Variants in NEK10 observed in about 807,000 individuals in gnomAD.
NEK10 encodes the protein serine/threonine-protein kinase Nek10.
Under a neutral mutation model 159.8 loss-of-function variants are expected in NEK10, and 122 were observed. The observed-to-expected ratio is 0.76, with a 90% CI of 0.66 to 0.89. NEK10 has a LOEUF of 0.89. Among genes scored for constraint, NEK10 ranks in the 40% least tolerant of loss-of-function variants. The pLI is 0.00. For missense variants in NEK10, 1,342 were observed against 1,323.1 expected (o/e 1.01, Z -0.22); for synonymous variants, 466 against 457.1 (o/e 1.02, Z -0.25).
In NEK10 at chr3:27,189,180, G is replaced by A. The variant is rs139440447; in HGVS notation, c.2505+2849C>T. On this transcript the variant is annotated intron_variant, in intron 26 of 35. Transcript: ENST00000691995. ...AAGGTTTGGTTCACTTTCATAGTGG[G>A]TAAACCACAGTACATAGAGTGAACT... Among the ~76,000 whole-genome samples, 233 of 152,114 alleles carry A rather than the reference G, an allele frequency of 1.5e-3. 1 individual carries two copies. Among genetic ancestry groups the A allele is most frequent in the African/African-American group, 5.4e-3 (223 of 41,522 alleles).
intron 23 of NEK10, among the ~76,000 whole-genome samples, chr3:27,231,194 A>C (rs1273998476): frequency 6.6e-6 from 1 of 152,048 alleles, no homozygotes; most frequent in Admixed American, 6.6e-5. Context: ...AAACCTGGAA[A>C]TCAACTCTAA....
At chr3:27,325,263 T>C (rs2045928965) in intron 5 of NEK10, among the ~76,000 whole-genome samples, 1 of 152,212 alleles carries the variant, frequency 6.6e-6, no homozygotes, top group Non-Finnish European at 1.5e-5. Flanking sequence ...GCATCTTCTA[T>C]TTCATACTCA....
intron 1 of NEK10, among the ~76,000 whole-genome samples, chr3:27,357,991 A>ATTC (rs2048432986): frequency 6.6e-6 from 1 of 152,232 alleles, no homozygotes; most frequent in African/African-American, 2.4e-5. Flanking sequence ...AGAGAAAAGG[A>ATTC]TTCTATTGCT....
chr3:27,195,110 T>C (rs781588663), intron 25 of NEK10, among the ~76,000 whole-genome samples: 2 of 152,136 alleles, frequency 1.3e-5, no homozygotes, highest in Non-Finnish European at 2.9e-5. Context: ...AATGAGAAGA[T>C]AGTAAAATAG....
chr3:27,179,273 T>A (rs1478129610), intron 26 of NEK10, among the ~76,000 whole-genome samples: 1 of 152,208 alleles, frequency 6.6e-6, no homozygotes, highest in African/African-American at 2.4e-5. Context: ...TCTTATTTAT[T>A]TTGAACTTAT....
intron 23 of NEK10, among the ~76,000 whole-genome samples, chr3:27,218,392 G>A (rs1426718159): frequency 6.6e-6 from 1 of 152,102 alleles, no homozygotes; most frequent in Non-Finnish European, 1.5e-5. Flanking sequence ...GGATCACAAG[G>A]TCAGGAGTTT....
chr3:27,358,438 T>G (rs2149858312), intron 1 of NEK10, among the ~76,000 whole-genome samples: 1 of 152,286 alleles, frequency 6.6e-6, no homozygotes, highest in East Asian at 1.9e-4. Context: ...TTAAATCCAT[T>G]TTTTAAAAGA....
chr3:27,179,595 G>A (rs1575125480), intron 26 of NEK10, among the ~76,000 whole-genome samples: 1 of 152,172 alleles, frequency 6.6e-6, no homozygotes, highest in East Asian at 1.9e-4. Flanking sequence ...AAGAGGAGAA[G>A]GAAAACAATG....
chr3:27,305,334 T>C (rs1037652564), intron 11 of NEK10, among the ~76,000 whole-genome samples: 9 of 152,170 alleles, frequency 5.9e-5, no homozygotes, highest in Non-Finnish European at 1.0e-4. Flanking sequence ...TATAGGCTCG[T>C]TGCATCATCG....
intron 23 of NEK10, among the ~76,000 whole-genome samples, chr3:27,222,355 A>C (rs549516358): frequency 6.6e-6 from 1 of 152,364 alleles, no homozygotes; most frequent in South Asian, 2.1e-4. Context: ...CCTGGGCGAC[A>C]GCGAGACTCC....
At chr3:27,118,984 T>A (rs1940897361) in intron 33 of NEK10, among the ~76,000 whole-genome samples, 1 of 152,188 alleles carries the variant, frequency 6.6e-6, no homozygotes, top group Admixed American at 6.5e-5. Flanking sequence ...TATCCACTCC[T>A]CCAAGTGACA....
At chr3:27,337,134 C>T (rs1174387065) in intron 5 of NEK10, among the ~76,000 whole-genome samples, 1 of 151,966 alleles carries the variant, frequency 6.6e-6, no homozygotes, top group Non-Finnish European at 1.5e-5. Context: ...TTGCAGGATA[C>T]AAAATCAACC....
intron 31 of NEK10, among the ~76,000 whole-genome samples, chr3:27,136,826 A>G (rs1559500336): frequency 6.6e-6 from 1 of 152,230 alleles, no homozygotes; most frequent in Non-Finnish European, 1.5e-5. Context: ...AACCAAAAGT[A>G]AGAAGTTTTC....
intron 6 of NEK10, among the ~76,000 whole-genome samples, chr3:27,318,524 A>G (rs964411931): frequency 6.6e-6 from 1 of 152,258 alleles, no homozygotes; most frequent in Non-Finnish European, 1.5e-5. Flanking sequence ...AGAAATTTTT[A>G]AAACATAAGA....
At chr3:27,260,101 A>AGACTTT (rs2040264470) in intron 22 of NEK10, among the ~76,000 whole-genome samples, 2 of 152,322 alleles carry the variant, frequency 1.3e-5, no homozygotes, top group South Asian at 4.1e-4. Context: ...GTTGTCTATC[A>AGACTTT]GCTTAAGGAG....
At chr3:27,157,124 A>G (rs1945550803) in intron 30 of NEK10, among the ~76,000 whole-genome samples, 1 of 151,352 alleles carries the variant, frequency 6.6e-6, no homozygotes, top group African/African-American at 2.4e-5. Flanking sequence ...TGTGGGAGCT[A>G]AGCTATAAGG....
At chr3:27,224,401 C>G (rs780299504) in intron 23 of NEK10, among the ~76,000 whole-genome samples, 3 of 152,358 alleles carry the variant, frequency 2.0e-5, no homozygotes, top group Non-Finnish European at 4.4e-5. Context: ...TACTCCCGCC[C>G]CCACAACACT....
intron 23 of NEK10, among the ~76,000 whole-genome samples, chr3:27,219,038 C>A (rs544236802): frequency 6.6e-6 from 1 of 152,214 alleles, no homozygotes; most frequent in Non-Finnish European, 1.5e-5. Flanking sequence ...TTTCTTAGTG[C>A]GTATGCCTTA....
At chr3:27,125,678 T>A (rs985728749) in intron 32 of NEK10, among the ~76,000 whole-genome samples, 2 of 152,198 alleles carry the variant, frequency 1.3e-5, no homozygotes, top group Non-Finnish European at 2.9e-5. Context: ...AATGCACATA[T>A]GCATGTGGAC....
Sources: allele counts gnomAD v4.1 joint callset (sites outside exome capture counted in the v4.1 genomes callset), GRCh38; gene constraint gnomAD v4.1.1; transcripts MANE v1.5; gene names NCBI Gene and HGNC (gene_info 2026-07-23, HGNC 2026-07-21).